The following TNRC6B variants were observed in gnomAD, a reference collection of about 807,000 sequenced individuals.
TNRC6B encodes trinucleotide repeat containing adaptor 6B.
A neutral mutation model predicts 203.6 loss-of-function variants in TNRC6B; 52 were observed. That is an observed-to-expected ratio of 0.26 (90% CI 0.20 to 0.32). The LOEUF is 0.32. TNRC6B is among the 10% of genes least tolerant of loss of function. TNRC6B has a pLI of 1.00. For missense variants in TNRC6B, 1,923 were observed against 2,286.2 expected (o/e 0.84, Z 3.24); for synonymous variants, 838 against 845.7 (o/e 0.99, Z 0.16).
chr22:40,178,930 T>C (rs2084978432), intron 1 of TNRC6B, among the ~76,000 whole-genome samples: 1 of 152,208 alleles, frequency 6.6e-6, no homozygotes, highest in Admixed American at 6.5e-5. Flanking sequence ...AGAAATTATT[T>C]CTTTATCAGT....
At chr22:40,288,544 ATTT>A (rs778911598) in intron 12 of TNRC6B, among the ~76,000 whole-genome samples, 2 of 143,260 alleles carry the variant, frequency 1.4e-5, no homozygotes, top group Non-Finnish European at 3.1e-5. Flanking sequence ...ATCTCTACAA[ATTT>A]TTTTTTTTTT....
chr22:40,113,394 G>T (rs563730861), intron 1 of TNRC6B, among the ~76,000 whole-genome samples: 1 of 152,134 alleles, frequency 6.6e-6, no homozygotes, highest in Admixed American at 6.5e-5. Context: ...TGGCTCTGTT[G>T]CCCAGACTGG....
chr22:40,072,673 G>A (rs2067961482), intron 1 of TNRC6B, among the ~76,000 whole-genome samples: 1 of 151,960 alleles, frequency 6.6e-6, no homozygotes, highest in African/African-American at 2.4e-5. Context: ...AGACCAGCCT[G>A]GCCAACATGG....
Position 40,261,902 on chromosome 22 carries a change from A to G in TNRC6B, c.186A>G (p.Pro62=), listed in dbSNP as rs1244481812. The change falls in exon 4 of 23, where the codon CCA becomes CCG. Residue 62 remains proline (P), a synonymous_variant. Transcript: ENST00000454349. Reference sequence around the variant, plus strand: ...GCCCAATTGGCAGCTCTCCATCGCCACCAGTCAATGGTGGCAACAATGCCA... The same window carrying G: ...GCCCAATTGGCAGCTCTCCATCGCCGCCAGTCAATGGTGGCAACAATGCCA... The part of the protein sequence containing the change: ...AASPIGSSPS[P]PVNGGNNAKR... 3.7e-6 allele frequency: 6 copies of G among 1,603,270 alleles called. No homozygotes were observed. The Admixed American group carries it at 8.3e-5, about 22-fold the overall frequency.
chr22:40,329,428 T>G lies in TNRC6B; in HGVS notation c.*6187T>G, dbSNP rs1380959248. ...AGAAATGGTCCCTATTTGTCAGTGA[T>G]AGTGTTTTTTTTTTCTTAAGTTTGA... On this transcript the variant is annotated 3_prime_UTR_variant, in exon 23 of 23. Coordinates refer to ENST00000454349, the MANE Select transcript of TNRC6B (RefSeq NM_001162501.2). 1 of 152,020 alleles carries G rather than the reference T, an allele frequency of 6.6e-6. No individual in the cohort carries two copies. The highest frequency in any genetic ancestry group is 2.4e-5 in the African/African-American group (1 of 41,306). The allele number at this position is 152,020 out of a possible 1,614,324, so 9.4% of individuals were successfully genotyped here. A position where few individuals can be genotyped will look rare whatever the true frequency, so the allele number is the denominator to read the frequency against.
intron 3 of TNRC6B, among the ~76,000 whole-genome samples, chr22:40,260,499 G>T (rs1333897687): frequency 1.3e-5 from 2 of 152,202 alleles, no homozygotes; most frequent in African/African-American, 4.8e-5. Flanking sequence ...GAGAATTTCG[G>T]TGGTAGAGAT....
intron 1 of TNRC6B, among the ~76,000 whole-genome samples, chr22:40,099,082 TC>T (rs1288707710): frequency 6.6e-6 from 1 of 151,986 alleles, no homozygotes; most frequent in African/African-American, 2.4e-5. Context: ...AAACCCCGTC[TC>T]TACTAAAAAT....
At chr22:40,291,943 A>G (rs1601495288) in intron 12 of TNRC6B, among the ~76,000 whole-genome samples, 1 of 152,278 alleles carries the variant, frequency 6.6e-6, no homozygotes, top group Admixed American at 6.5e-5. Context: ...CTGTAATCCC[A>G]GCACTTTGGG....
At chr22:40,269,079 A>ATT in intron 5 of TNRC6B, among the ~76,000 whole-genome samples, 1 of 148,704 alleles carries the variant, frequency 6.7e-6, no homozygotes, top group Non-Finnish European at 1.5e-5. Context: ...TATAGCTTCC[A>ATT]ATTTTAGCAC....
chr22:40,146,589 T>A (rs1601840831), intron 3 of TNRC6B, among the ~76,000 whole-genome samples: 1 of 118,752 alleles, frequency 8.4e-6, no homozygotes, highest in East Asian at 2.4e-4. Context: ...TTTTTTGAGA[T>A]GGAGTCTCGC....
intron 1 of TNRC6B, among the ~76,000 whole-genome samples, chr22:40,048,890 G>A (rs1884305932): frequency 1.3e-5 from 2 of 151,842 alleles, no homozygotes; most frequent in African/African-American, 2.4e-5. Context: ...GCCCAGGCTG[G>A]AGTGAAGTGG....
chr22:40,099,077 C>T (rs2068210805), intron 1 of TNRC6B, among the ~76,000 whole-genome samples: 1 of 151,954 alleles, frequency 6.6e-6, no homozygotes, highest in Admixed American at 6.6e-5. Context: ...TGGTGAAACC[C>T]CGTCTCTACT....
intron 22 of TNRC6B, chr22:40,321,600 A>G (rs1415551509): frequency 1.0e-5 from 2 of 193,642 alleles, no homozygotes; most frequent in African/African-American, 4.6e-5. Context: ...ATCTTGGCCA[A>G]CATGGTAAAA....
chr22:40,276,840 A>G lies in TNRC6B; in HGVS notation c.3142-237A>G, dbSNP rs1279974135. ...TGAAAAGCAAAAGTACCAGCTGAGC[A>G]TGTATTTTTCCAGTTACTTCTGGTT... On this transcript the variant is annotated intron_variant, in intron 7 of 22. Transcript: ENST00000454349. The G allele has an allele frequency of 4.0e-5, 14 of 348,376 alleles. No homozygotes were observed. In the Admixed American group the frequency reaches 6.6e-4, roughly 16 times the overall value. 21.6% of individuals were successfully genotyped at this position (348,376 alleles called of 1,614,324 possible).
intron 1 of TNRC6B, among the ~76,000 whole-genome samples, chr22:40,183,740 G>T (rs917696442): frequency 3.3e-5 from 5 of 151,902 alleles, no homozygotes; most frequent in African/African-American, 1.2e-4. Flanking sequence ...TGTCGCCCGG[G>T]CTGGAGTGCA....
intron 1 of TNRC6B, among the ~76,000 whole-genome samples, chr22:40,229,985 A>G (rs1569030150): frequency 6.6e-6 from 1 of 152,180 alleles, no homozygotes; most frequent in Non-Finnish European, 1.5e-5. Context: ...TAGGCAATGA[A>G]TGGCTGGGTC....
chr22:40,280,777 A>C (rs977672117), intron 10 of TNRC6B, among the ~76,000 whole-genome samples: 1 of 152,244 alleles, frequency 6.6e-6, no homozygotes, highest in South Asian at 2.1e-4. Context: ...AGACAGCAAC[A>C]TATTCACAAG....
At chr22:40,275,323 C>T (rs900715179) in intron 7 of TNRC6B, among the ~76,000 whole-genome samples, 4 of 152,148 alleles carry the variant, frequency 2.6e-5, no homozygotes, top group Admixed American at 2.6e-4. Flanking sequence ...ACTAAATTAA[C>T]TGATTGAAAG....
intron 1 of TNRC6B, among the ~76,000 whole-genome samples, chr22:40,056,671 G>A (rs1856071110): frequency 6.6e-6 from 1 of 151,948 alleles, no homozygotes; most frequent in Non-Finnish European, 1.5e-5. Context: ...GATGGCACAT[G>A]CCTGTAGTCC....
Sources: gnomAD v4.1 joint callset for allele counts (sites outside exome capture counted in the v4.1 genomes callset) on GRCh38, gnomAD v4.1.1 for gene constraint, MANE v1.5 for transcripts, NCBI Gene and HGNC (gene_info 2026-07-23, HGNC 2026-07-21) for gene names.